EPS8L2: variants seen among roughly 807,000 people sequenced by gnomAD.
The protein encoded by EPS8L2 is EPS8 signaling adaptor L2, also known as epidermal growth factor receptor kinase substrate 8-like protein 2.
Under a neutral mutation model 99.4 loss-of-function variants are expected in EPS8L2, and 81 were observed. That is an observed-to-expected ratio of 0.82 (90% CI 0.68 to 0.98). The LOEUF (loss-of-function observed/expected upper bound fraction) is 0.98. Among genes scored for constraint, EPS8L2 ranks in the 50% least tolerant of loss-of-function variants. EPS8L2 has a pLI of 0.00. For missense variants in EPS8L2, 1,155 were observed against 968.8 expected (o/e 1.19, Z -2.55); for synonymous variants, 509 against 407.3 (o/e 1.25, Z -3.01).
chr11:707,588 G>A (rs530481968), intron 1 of EPS8L2, among the ~76,000 whole-genome samples: 17 of 152,310 alleles, frequency 1.1e-4, no homozygotes, highest in Admixed American at 1.1e-3. Flanking sequence ...ACCACCAGTG[G>A]GCCAAAGAAG....
intron 4 of EPS8L2, among the ~76,000 whole-genome samples, chr11:713,440 G>C (rs1049291771): frequency 3.3e-5 from 5 of 152,216 alleles, no homozygotes; most frequent in African/African-American, 1.2e-4. Context: ...GGAGTGCAAT[G>C]GCGCGATCTC....
At chr11:721,475 G>A in intron 9 of EPS8L2, 90 bp from the exon 10 acceptor site, 1 of 1,500,456 alleles carries the variant, frequency 6.7e-7, no homozygotes, top group South Asian at 1.3e-5. Context: ...GTGGGGCCCA[G>A]CTCCTCCCAT....
intron 4 of EPS8L2, among the ~76,000 whole-genome samples, chr11:715,123 T>A (rs780162168): frequency 6.6e-6 from 1 of 152,010 alleles, no homozygotes; most frequent in East Asian, 1.9e-4. Flanking sequence ...GTGCCTGTAG[T>A]CCCAGCTACT....
At chr11:712,318 G>T (rs1383776071) in intron 4 of EPS8L2, among the ~76,000 whole-genome samples, 1 of 151,976 alleles carries the variant, frequency 6.6e-6, no homozygotes, top group Non-Finnish European at 1.5e-5. Flanking sequence ...CTGCGCCTGG[G>T]TACGAGCTGG....
At position 720,181 on chromosome 11, in the gene EPS8L2, G is replaced by T; in HGVS notation, c.285G>T (p.Gln95His). The T allele has an allele frequency of 6.2e-7, 1 of 1,613,464 alleles. No individual in the cohort carries two copies. ...TCTGGACCCAGGAGATGCTGCTGCAGGTGAACGACCAGTCGCTGCGGCTGC... is the reference window on the plus strand; with the variant it reads ...TCTGGACCCAGGAGATGCTGCTGCATGTGAACGACCAGTCGCTGCGGCTGC... Reference protein sequence around the residue: ...EKIWTQEMLLQVNDQSLRLLD... With the variant: ...EKIWTQEMLLHVNDQSLRLLD... Residue 95 changes from glutamine (Q) to histidine (H), a missense_variant, in exon 5 of 21, where the codon CAG (glutamine) becomes CAT (histidine). Physicochemically the swap from Gln to His is conservative, Grantham distance 24. Coordinates refer to ENST00000318562, the MANE Select transcript of EPS8L2 (RefSeq NM_022772.4).
rs1034828878 is a variant in EPS8L2, at chr11:724,251, G to A, written c.1455-473G>A. Among the ~76,000 whole-genome samples, 5 of 152,174 alleles carry A rather than the reference G, an allele frequency of 3.3e-5. No homozygotes were observed. The highest frequency in any genetic ancestry group is 4.8e-5 in the African/African-American group (2 of 41,440). Reference sequence around the variant, plus strand: ...GCCAGCCCCCCCGCGCTTTTGAGGTGCAGGTCCCACCCCACAGAGAGGAGC... The same window carrying A: ...GCCAGCCCCCCCGCGCTTTTGAGGTACAGGTCCCACCCCACAGAGAGGAGC... On this transcript the variant is annotated intron_variant, in intron 15 of 20. Coordinates refer to ENST00000318562, the MANE Select transcript of EPS8L2 (RefSeq NM_022772.4). The surrounding 1 kb of genome is among the most constrained non-coding windows in gnomAD (Gnocchi z 5.5).
chr11:726,674 G>T lies in EPS8L2; in HGVS notation c.1990G>T (p.Glu664Ter). Residue 664 changes from glutamate to a stop codon, truncating the protein, a stop_gained, in exon 20 of 21, where the codon GAG (glutamate) becomes TAG (stop). Coordinates refer to ENST00000318562, the MANE Select transcript of EPS8L2 (RefSeq NM_022772.4). LOFTEE classifies it high-confidence loss of function. Reference sequence around the variant, plus strand: ...GCCGCAGCTCTTCTCCCTCAACAAGGAGGAGCTGAAGAAAGTGTGCGGCGA... The same window carrying T: ...GCCGCAGCTCTTCTCCCTCAACAAGTAGGAGCTGAAGAAAGTGTGCGGCGA... ...TGPQLFSLNK[E>*]ELKKVCGEEG... 6.3e-7 allele frequency: 1 copy of T among 1,577,176 alleles called. No homozygotes were observed. The highest frequency in any genetic ancestry group is 2.3e-5 in the East Asian group (1 of 43,428).
chr11:723,683 G>A (rs981599026), intron 15 of EPS8L2, among the ~76,000 whole-genome samples: 4 of 152,120 alleles, frequency 2.6e-5, no homozygotes, highest in Non-Finnish European at 5.9e-5. Flanking sequence ...GGGGCTGTTG[G>A]GACTGATTCA....
chr11:726,260 G>A (rs753123441), intron 18 of EPS8L2, 44 bp from the exon 19 acceptor site: 43 of 1,580,824 alleles, frequency 2.7e-5, no homozygotes, highest in Non-Finnish European at 3.6e-5. Context: ...GGGGGCGGGG[G>A]CAGGGGCAAG....
chr11:709,456 G>GCCCCC lies in EPS8L2; in HGVS notation c.44+8_44+9insCCCCC. The GCCCCC allele has an allele frequency of 6.3e-7, 1 of 1,588,556 alleles. No individual in the cohort carries two copies. Among genetic ancestry groups the GCCCCC allele is most frequent in the Non-Finnish European group, 8.6e-7 (1 of 1,164,922 alleles). ...CTGCTGCCCGGGTGCCACCAAGTGA[G>GCCCCC]CCCTCCCACCCATCCCGAATACCCC... On this transcript the variant is annotated splice_donor_region_variant and intron_variant, in intron 2 of 20. Transcript: ENST00000318562.
Position 722,258 on chromosome 11 carries a change from C to T in EPS8L2, c.1059+93C>T, listed in dbSNP as rs1035862124. ...GGTCGGGGTTGGGGCAGCAGGTGCC[C>T]GCCTTGGGCAGCCCGGTTCACGCTG... On this transcript the variant is annotated intron_variant, in intron 12 of 20. Transcript: ENST00000318562. 1.2e-5 allele frequency: 18 copies of T among 1,539,866 alleles called. No homozygotes were observed. In the African/African-American group the frequency reaches 1.2e-4, roughly 11 times the overall value.
In EPS8L2 at chr11:721,266, C is replaced by A; in HGVS notation, c.701-19C>A. Reference sequence around the variant, plus strand: ...TCGTTGTGGGGGGCTCGGTGAGCAGCCGCCGTGTCCCCCATCAGGTTTCCG... The same window carrying A: ...TCGTTGTGGGGGGCTCGGTGAGCAGACGCCGTGTCCCCCATCAGGTTTCCG... On this transcript the variant is annotated intron_variant, in intron 8 of 20. Coordinates refer to ENST00000318562, the MANE Select transcript of EPS8L2 (RefSeq NM_022772.4). 1 of 1,539,248 alleles carries A rather than the reference C, an allele frequency of 6.5e-7. No homozygotes were observed. The highest frequency in any genetic ancestry group is 8.7e-7 in the Non-Finnish European group (1 of 1,146,134).
Position 720,905 on chromosome 11 carries a change from C to T in EPS8L2, c.553C>T (p.Leu185=). The change falls in exon 7 of 21, where the codon CTG becomes TTG. Residue 185 remains leucine, a synonymous_variant. Coordinates refer to ENST00000318562, the MANE Select transcript of EPS8L2 (RefSeq NM_022772.4). ...GGGCAAGAAGATGCGGCCGCAGACC[C>T]TGAAGTAGGGCAGCGGGCGGAGCGG... ...RLGKKMRPQT[L]KGHQEKIRQR... is the part of the protein sequence containing the mutation. The T allele has an allele frequency of 7.7e-7, 1 of 1,297,840 alleles. No homozygotes were observed. Among genetic ancestry groups the T allele is most frequent in the Non-Finnish European group, 1.0e-6 (1 of 997,594 alleles). The allele number at this position is 1,297,840 out of a possible 1,614,324, so 80.4% of individuals were successfully genotyped here.
At chr11:709,812 G>T in intron 3 of EPS8L2, 1 of 610,624 alleles carries the variant, frequency 1.6e-6, no homozygotes. Context: ...TAAGGGGAGA[G>T]GCCTTTACTA....
rs60889456 is a variant in EPS8L2, at chr11:723,311, C to G, written c.1412C>G (p.Pro471Arg). 75 of 1,598,416 alleles carry G rather than the reference C, an allele frequency of 4.7e-5. No homozygotes were observed. Among genetic ancestry groups the G allele is most frequent in the African/African-American group, 6.8e-5 (5 of 73,962 alleles). ...AGCCCCACTTCAGAGCCCACCCCCC[C>G]GGGGGATGCCCTACCACCAGTCAGC... is the stretch of plus-strand genomic sequence containing the variant. Reference protein sequence around the residue: ...KHSPTSEPTPPGDALPPVSSP... With the variant: ...KHSPTSEPTPRGDALPPVSSP... Residue 471 changes from proline to arginine, a missense_variant, in exon 15 of 21, where the codon CCG becomes CGG. Physicochemically the swap from Pro to Arg is moderately radical, Grantham distance 103. Transcript: ENST00000318562.
In EPS8L2 at chr11:709,441, G is replaced by A. The variant is rs747551317; in HGVS notation, c.34G>A (p.Gly12Ser). ...GTCCGGGGCCGTGAGCTGCTGCCCG[G>A]GTGCCACCAAGTGAGCCCTCCCACC... is the stretch of plus-strand genomic sequence containing the variant. Reference protein sequence around the residue: ...SQSGAVSCCPGATNGSLGRSD... With the variant: ...SQSGAVSCCPSATNGSLGRSD... The change falls in exon 2 of 21, where the codon GGT becomes AGT. Residue 12 changes from glycine to serine, a missense_variant. Coordinates refer to ENST00000318562, the MANE Select transcript of EPS8L2 (RefSeq NM_022772.4). 2 of 1,597,650 alleles carry A rather than the reference G, an allele frequency of 1.3e-6. No individual in the cohort carries two copies. Among genetic ancestry groups the A allele is most frequent in the East Asian group, 2.3e-5 (1 of 43,808 alleles).
At chr11:709,231 C>T in intron 1 of EPS8L2, 99 bp from the exon 2 acceptor site, 3 of 754,906 alleles carry the variant, frequency 4.0e-6, no homozygotes. Flanking sequence ...CCAAGGGACC[C>T]CCACCCAGGC....
chr11:713,805 C>G (rs1176132698), intron 4 of EPS8L2, among the ~76,000 whole-genome samples: 1 of 152,104 alleles, frequency 6.6e-6, no homozygotes, highest in Non-Finnish European at 1.5e-5. Flanking sequence ...CTCAGCCTCC[C>G]AAAGTGGTGG....
At position 726,889 on chromosome 11, in the gene EPS8L2, T is replaced by C. The variant is rs376944439; in HGVS notation, c.2068-12T>C. The C allele has an allele frequency of 5.6e-6, 9 of 1,610,806 alleles. No homozygotes were observed. In the African/African-American group the frequency reaches 1.1e-4, roughly 19 times the overall value. On this transcript the variant is annotated splice_polypyrimidine_tract_variant and intron_variant, in intron 20 of 20. Coordinates refer to ENST00000318562, the MANE Select transcript of EPS8L2 (RefSeq NM_022772.4). Reference sequence around the variant, plus strand: ...ACCCCCGGCTGAGGATGCCCCCATTTCTCCTCCCTAGAAGCAGCAAAGTGG... The same window carrying C: ...ACCCCCGGCTGAGGATGCCCCCATTCCTCCTCCCTAGAAGCAGCAAAGTGG...
Sources: allele counts gnomAD v4.1 joint callset (sites outside exome capture counted in the v4.1 genomes callset), GRCh38; gene constraint gnomAD v4.1.1; non-coding constraint Gnocchi (gnomAD v3.1); transcripts MANE v1.5; gene names NCBI Gene and HGNC (gene_info 2026-07-23, HGNC 2026-07-21).